Variants in SEMA3D observed in about 807,000 individuals in gnomAD.
SEMA3D encodes the protein semaphorin-3D.
A neutral mutation model predicts 100.1 loss-of-function variants in SEMA3D; 84 were observed. That is an observed-to-expected ratio of 0.84 (90% CI 0.70 to 1.01). The LOEUF is 1.01. SEMA3D is among the 50% of genes least tolerant of loss of function. The pLI is 0.00. For synonymous variants in SEMA3D, 312 were observed against 320.7 expected (o/e 0.97, Z 0.29); for missense variants, 875 against 934.1 (o/e 0.94, Z 0.82).
chr7:85,043,734 T>C (rs947803485), intron 9 of SEMA3D, among the ~76,000 whole-genome samples: 3 of 152,100 alleles, frequency 2.0e-5, no homozygotes, highest in Non-Finnish European at 4.4e-5. Flanking sequence ...CGAGATCTGA[T>C]GGTTTTAAAA....
intron 8 of SEMA3D, among the ~76,000 whole-genome samples, chr7:85,062,125 T>C (rs1297476118): frequency 6.6e-6 from 1 of 152,200 alleles, no homozygotes; most frequent in Non-Finnish European, 1.5e-5. Context: ...GATACACATA[T>C]TCGAGCTTCA....
intron 1 of SEMA3D, among the ~76,000 whole-genome samples, chr7:85,185,041 C>T (rs1006669295): frequency 3.3e-5 from 5 of 152,274 alleles, no homozygotes; most frequent in Admixed American, 3.3e-4. Context: ...GCTCATCCTC[C>T]TTGCTATCTG....
intron 12 of SEMA3D, 29 bp downstream of exon 12, chr7:85,036,860 A>T: frequency 1.3e-6 from 2 of 1,558,216 alleles, no homozygotes; most frequent in South Asian, 2.4e-5. Flanking sequence ...GCTTAAGAAA[A>T]TAATTTGATT....
intron 3 of SEMA3D, among the ~76,000 whole-genome samples, chr7:85,119,336 T>C (rs1165014209): frequency 6.6e-6 from 1 of 152,170 alleles, no homozygotes; most frequent in Non-Finnish European, 1.5e-5. Flanking sequence ...GCAGCACTAT[T>C]CACATTAGCA....
intron 3 of SEMA3D, among the ~76,000 whole-genome samples, chr7:85,108,721 C>T (rs1789003038): frequency 6.6e-6 from 1 of 151,902 alleles, no homozygotes; most frequent in South Asian, 2.1e-4. Flanking sequence ...CAAACCTTTA[C>T]CTCGTGGTGT....
intron 4 of SEMA3D, among the ~76,000 whole-genome samples, chr7:85,097,547 A>T (rs1788598460): frequency 6.6e-6 from 1 of 151,794 alleles, no homozygotes; most frequent in African/African-American, 2.4e-5. Flanking sequence ...ATATTAACTA[A>T]TTTTTTATGT....
At chr7:85,141,752 G>A in intron 2 of SEMA3D, 1 of 849,096 alleles carries the variant, frequency 1.2e-6, no homozygotes, top group Non-Finnish European at 1.4e-6. Context: ...ACTGGGCTCT[G>A]TTTTCTCAAG....
the SEMA3D span, among the ~76,000 whole-genome samples, chr7:85,199,486 G>A: frequency 6.6e-6 from 1 of 151,998 alleles, no homozygotes; most frequent in Non-Finnish European, 1.5e-5. Flanking sequence ...GTGGTCTTTA[G>A]CATTATAAAG....
At chr7:85,188,755 C>G (rs1791629886), upstream of SEMA3D, among the ~76,000 whole-genome samples, 1 of 152,142 alleles carries the variant, frequency 6.6e-6, no homozygotes, top group Non-Finnish European at 1.5e-5. Context: ...TAAGTTGTAG[C>G]TTAATATGCT....
chr7:85,144,507 G>T (rs1407504441), intron 2 of SEMA3D: 1 of 978,534 alleles, frequency 1.0e-6, no homozygotes, highest in Non-Finnish European at 1.2e-6. Flanking sequence ...TCAGAATAGA[G>T]ATATATTTTT....
chr7:85,115,914 A>C (rs1789227203), intron 3 of SEMA3D, among the ~76,000 whole-genome samples: 1 of 151,924 alleles, frequency 6.6e-6, no homozygotes, highest in Non-Finnish European at 1.5e-5. Context: ...TTCCAACTTA[A>C]CTCTTGCATT....
intron 2 of SEMA3D, chr7:85,141,071 T>A (rs1790036107): frequency 2.2e-6 from 2 of 903,912 alleles, no homozygotes; most frequent in Non-Finnish European, 2.6e-6. Flanking sequence ...TTCATTTTAT[T>A]TAATATTCAG....
intron 8 of SEMA3D, 21 bp downstream of exon 8, chr7:85,065,403 A>G: frequency 6.2e-7 from 1 of 1,610,588 alleles, no homozygotes; most frequent in Non-Finnish European, 8.5e-7. Flanking sequence ...AATCAAAAGT[A>G]AACAAAAAAA....
chr7:85,122,723 C>A (rs912249615), intron 2 of SEMA3D, among the ~76,000 whole-genome samples: 19 of 152,068 alleles, frequency 1.2e-4, no homozygotes, highest in African/African-American at 4.6e-4. Flanking sequence ...GTCAGGGCCC[C>A]AGTATAGGTG....
the SEMA3D span, among the ~76,000 whole-genome samples, chr7:85,243,643 T>A: frequency 6.6e-6 from 1 of 152,220 alleles, no homozygotes; most frequent in Non-Finnish European, 1.5e-5. Flanking sequence ...AAGCCCCTTA[T>A]CTGCTGGACC....
intron 4 of SEMA3D, among the ~76,000 whole-genome samples, chr7:85,086,485 T>A (rs1420747344): frequency 6.6e-6 from 1 of 152,070 alleles, no homozygotes; most frequent in Non-Finnish European, 1.5e-5. Flanking sequence ...AAATTTTCAA[T>A]AATCTTTTGA....
intron 1 of SEMA3D, chr7:85,159,964 C>A: frequency 1.0e-6 from 1 of 984,520 alleles, no homozygotes; most frequent in Non-Finnish European, 1.2e-6. Flanking sequence ...ATAAGTTCTA[C>A]GGTAACTACT....
chr7:85,238,057 A>AT, the SEMA3D span, among the ~76,000 whole-genome samples: 3 of 152,244 alleles, frequency 2.0e-5, no homozygotes, highest in East Asian at 3.9e-4. Context: ...CCATCTGTAC[A>AT]TTTTTTGATG....
At chr7:85,200,877 T>A in the SEMA3D span, among the ~76,000 whole-genome samples, 1 of 152,192 alleles carries the variant, frequency 6.6e-6, no homozygotes, top group Non-Finnish European at 1.5e-5. Flanking sequence ...CCACTTCAGC[T>A]GTGGCTGAAA....
Sources: allele counts gnomAD v4.1 joint callset (sites outside exome capture counted in the v4.1 genomes callset), GRCh38; gene constraint gnomAD v4.1.1; transcripts MANE v1.5; gene names NCBI Gene and HGNC (gene_info 2026-07-23, HGNC 2026-07-21).